The following PTPRD variants were observed in gnomAD, a reference collection of about 807,000 sequenced individuals.
PTPRD encodes the protein protein tyrosine phosphatase receptor type D.
PTPRD carries 34 observed loss-of-function variants against 214.5 expected under a neutral mutation model. That is an observed-to-expected ratio of 0.16 (90% CI 0.12 to 0.21). The LOEUF (loss-of-function observed/expected upper bound fraction) is 0.21. Among genes scored for constraint, PTPRD ranks in the 10% least tolerant of loss-of-function variants. PTPRD has a pLI of 1.00. For missense variants in PTPRD, 2,545 were observed against 2,398.7 expected (o/e 1.06, Z -1.27); for synonymous variants, 1,128 against 845.7 (o/e 1.33, Z -5.79).
chr9:9,572,248 C>G (rs992193216), intron 8 of PTPRD, among the ~76,000 whole-genome samples: 9 of 151,260 alleles, frequency 6.0e-5, no homozygotes, highest in Non-Finnish European at 1.2e-4. Context: ...GTTTCTCAAA[C>G]TATGTTGTGA....
At chr9:10,060,215 A>G (rs1197767260) in intron 3 of PTPRD, among the ~76,000 whole-genome samples, 2 of 152,058 alleles carry the variant, frequency 1.3e-5, no homozygotes, top group Admixed American at 6.6e-5. Flanking sequence ...TCAAGTCCCA[A>G]TTTCATATAT....
At chr9:8,945,571 GAA>G (rs1212270714) in intron 11 of PTPRD, among the ~76,000 whole-genome samples, 1 of 151,820 alleles carries the variant, frequency 6.6e-6, no homozygotes, top group Non-Finnish European at 1.5e-5. Context: ...ATACTCTCTT[GAA>G]AAAAGACACA....
intron 7 of PTPRD, among the ~76,000 whole-genome samples, chr9:9,589,797 G>C (rs564589213): frequency 3.9e-5 from 6 of 151,978 alleles, no homozygotes; most frequent in Non-Finnish European, 8.8e-5. Context: ...ACAACATGTG[G>C]TAAACACACA....
At chr9:9,706,008 T>C (rs1196870677) in intron 7 of PTPRD, among the ~76,000 whole-genome samples, 1 of 152,154 alleles carries the variant, frequency 6.6e-6, no homozygotes, top group Non-Finnish European at 1.5e-5. Flanking sequence ...ATCTTTAAAA[T>C]GGACATGATA....
chr9:9,885,900 C>T lies in PTPRD; in HGVS notation c.-368+52607G>A, dbSNP rs77335106. 6.0e-3 allele frequency among the ~76,000 whole-genome samples: 905 copies of T among 151,686 alleles called. 10 individuals are homozygous for T. The highest frequency in any genetic ancestry group is 0.021 in the African/African-American group (870 of 41,362). On this transcript the variant is annotated intron_variant, in intron 5 of 45. Coordinates refer to ENST00000381196, the MANE Select transcript of PTPRD (RefSeq NM_002839.4). Reference sequence around the variant, plus strand: ...GGCCAAAAAGAAGAGAAGGGCCTATCTGCCTATCTGAAAGAGATCTGTGAG... The same window carrying T: ...GGCCAAAAAGAAGAGAAGGGCCTATTTGCCTATCTGAAAGAGATCTGTGAG...
intron 11 of PTPRD, among the ~76,000 whole-genome samples, chr9:8,763,318 C>A (rs2094519112): frequency 6.6e-6 from 1 of 151,770 alleles, no homozygotes. Context: ...TCGAGACCAG[C>A]CTAGCCAATA....
chr9:8,654,733 T>C (rs1453597627), intron 12 of PTPRD, among the ~76,000 whole-genome samples: 2 of 152,138 alleles, frequency 1.3e-5, no homozygotes, highest in African/African-American at 4.8e-5. Flanking sequence ...CCAATAATTA[T>C]TTTTGGTAAA....
intron 5 of PTPRD, among the ~76,000 whole-genome samples, chr9:9,773,988 G>C (rs1232341699): frequency 6.6e-6 from 1 of 152,200 alleles, no homozygotes; most frequent in East Asian, 1.9e-4. Context: ...GAGGAGTGAA[G>C]TGTTAATCTC....
intron 14 of PTPRD, among the ~76,000 whole-genome samples, chr9:8,589,404 C>A (rs546818578): frequency 2.0e-5 from 3 of 152,298 alleles, no homozygotes; most frequent in African/African-American, 7.2e-5. Flanking sequence ...AACAATTAAG[C>A]ATAATCACAG....
chr9:10,512,756 A>C (rs555819901), intron 2 of PTPRD, among the ~76,000 whole-genome samples: 41 of 152,164 alleles, frequency 2.7e-4, no homozygotes, highest in Non-Finnish European at 4.6e-4. Context: ...TAAAAATCAC[A>C]CAAAAGGTTT....
At chr9:10,538,885 C>T (rs976678817) in intron 2 of PTPRD, among the ~76,000 whole-genome samples, 5 of 152,160 alleles carry the variant, frequency 3.3e-5, no homozygotes, top group Non-Finnish European at 7.3e-5. Context: ...CAAGCTGCTT[C>T]TACCTTATTT....
chr9:10,055,256 C>T (rs553527691), intron 3 of PTPRD, among the ~76,000 whole-genome samples: 4 of 152,190 alleles, frequency 2.6e-5, no homozygotes, highest in South Asian at 4.2e-4. Flanking sequence ...TGGTCTGGTG[C>T]GACTTTTCTT....
chr9:10,118,896 A>AAATAAATAAATAAATT (rs2098752669), intron 3 of PTPRD, among the ~76,000 whole-genome samples: 1 of 142,602 alleles, frequency 7.0e-6, no homozygotes, highest in African/African-American at 2.5e-5. Flanking sequence ...ATAAATAAAT[A>AAATAAATAAATAAATT]AATAATAATA....
intron 7 of PTPRD, among the ~76,000 whole-genome samples, chr9:9,608,132 A>G (rs1404138440): frequency 6.6e-6 from 1 of 152,122 alleles, no homozygotes; most frequent in Admixed American, 6.6e-5. Context: ...AATAGAGGTA[A>G]TAGTAGTAGC....
chr9:8,657,994 C>G (rs190306136), intron 12 of PTPRD, among the ~76,000 whole-genome samples: 1 of 152,228 alleles, frequency 6.6e-6, no homozygotes, highest in Non-Finnish European at 1.5e-5. Flanking sequence ...GGCCAAAAAT[C>G]TTAGCAGCAA....
intron 9 of PTPRD, among the ~76,000 whole-genome samples, chr9:9,290,509 C>A (rs1419628288): frequency 6.6e-6 from 1 of 151,294 alleles, no homozygotes; most frequent in Non-Finnish European, 1.5e-5. Flanking sequence ...GGAGTTTTTT[C>A]CCTATTTTCT....
intron 3 of PTPRD, among the ~76,000 whole-genome samples, chr9:10,051,134 T>C (rs2097528612): frequency 6.6e-6 from 1 of 152,142 alleles, no homozygotes; most frequent in African/African-American, 2.4e-5. Flanking sequence ...TATTACTTTC[T>C]ACAAGCATAG....
At chr9:8,582,286 T>C (rs2093232200) in intron 14 of PTPRD, among the ~76,000 whole-genome samples, 1 of 152,158 alleles carries the variant, frequency 6.6e-6, no homozygotes, top group African/African-American at 2.4e-5. Flanking sequence ...TTCAGATGAG[T>C]TAAAGACGTA....
intron 3 of PTPRD, among the ~76,000 whole-genome samples, chr9:10,128,049 T>C (rs1170415349): frequency 6.6e-6 from 1 of 152,102 alleles, no homozygotes; most frequent in Admixed American, 6.5e-5. Context: ...AAGGCACTAG[T>C]TTTAGCTGAC....
Sources: gnomAD v4.1 joint callset for allele counts (sites outside exome capture counted in the v4.1 genomes callset) on GRCh38, gnomAD v4.1.1 for gene constraint, MANE v1.5 for transcripts, NCBI Gene and HGNC (gene_info 2026-07-23, HGNC 2026-07-21) for gene names.